Variants in NAV3 observed in about 807,000 individuals in gnomAD.
NAV3 encodes neuron navigator 3.
In NAV3, 87 loss-of-function variants were observed where a neutral mutation model predicts 244.7. That is an observed-to-expected ratio of 0.36 (90% CI 0.30 to 0.42). NAV3 has a LOEUF of 0.42. Ranked by LOEUF, NAV3 falls within the 20% of genes least tolerant of loss-of-function variation. The pLI, the probability that NAV3 is intolerant of heterozygous loss-of-function variation, is 1.00. For missense variants in NAV3, 2,663 were observed against 2,893.3 expected (o/e 0.92, Z 1.83); for synonymous variants, 1,126 against 1,042.2 (o/e 1.08, Z -1.55).
rs373035867 is a variant in NAV3, at chr12:78,076,144, G to A, written c.2636+17029G>A. ...TACCTTATCTCTTGGTTTGCCTGGTGCCACAGTTTACAATATGAAAATGTG... is the reference window on the plus strand; with the variant it reads ...TACCTTATCTCTTGGTTTGCCTGGTACCACAGTTTACAATATGAAAATGTG... On this transcript the variant is annotated intron_variant, in intron 12 of 39. Coordinates refer to ENST00000397909, the MANE Select transcript of NAV3 (RefSeq NM_001024383.2). 6.9e-4 allele frequency among the ~76,000 whole-genome samples: 105 copies of A among 152,286 alleles called. 1 individual carries two copies. The highest frequency in any genetic ancestry group is 2.4e-3 in the African/African-American group (99 of 41,564).
At position 77,755,610 on chromosome 12, in the gene NAV3, C is replaced by CTT. The variant is rs1325929844; in HGVS notation, c.72+183344_72+183345insTT. Among the ~76,000 whole-genome samples the CTT allele has an allele frequency of 1.6e-3, 127 of 78,444 alleles. 12 individuals are homozygous for CTT. The highest frequency in any genetic ancestry group is 3.9e-3 in the South Asian group (8 of 2,070). The allele number at this position is 78,444 out of a possible 152,430, so 51.5% of individuals were successfully genotyped here. A position where few individuals can be genotyped will look rare whatever the true frequency, so the allele number is the denominator to read the frequency against. On this transcript the variant is annotated intron_variant, in intron 2 of 8. Coordinates refer to the NAV3 transcript ENST00000550042. ...CCCTCCCTCCCTCCCTCCCTCCCTC[C>CTT]CTCCTTCCTTCCTTCCTTCCTTCCT...
At chr12:77,790,256 C>T (rs1871124647) in intron 2 of NAV3, among the ~76,000 whole-genome samples, 1 of 152,158 alleles carries the variant, frequency 6.6e-6, no homozygotes. Flanking sequence ...AACTGGTTTT[C>T]TTCACAAAAC....
chr12:77,872,096 G>A (rs1881054462), intron 1 of NAV3, among the ~76,000 whole-genome samples: 1 of 152,068 alleles, frequency 6.6e-6, no homozygotes, highest in South Asian at 2.1e-4. Flanking sequence ...CTTTTGAGAA[G>A]TGTCTGTTCA....
At chr12:77,875,034 G>A (rs1881646108) in intron 1 of NAV3, among the ~76,000 whole-genome samples, 1 of 152,118 alleles carries the variant, frequency 6.6e-6, no homozygotes, top group African/African-American at 2.4e-5. Flanking sequence ...CAAGATTAAA[G>A]TTTTGTGTGG....
chr12:78,162,717 C>A lies in NAV3; in HGVS notation c.4869+3431C>A, dbSNP rs1957595424. ...CATCTCTACTAGAAACAAAAATTAGCCAGGCCTGGTGGTGGGCACCTGTAG... is the reference window on the plus strand; with the variant it reads ...CATCTCTACTAGAAACAAAAATTAGACAGGCCTGGTGGTGGGCACCTGTAG... On this transcript the variant is annotated intron_variant, in intron 23 of 39. Transcript: ENST00000397909. 2.7e-5 allele frequency among the ~76,000 whole-genome samples: 4 copies of A among 150,584 alleles called. No homozygotes were observed. In the Admixed American group the frequency reaches 2.7e-4, roughly 10 times the overall value.
At chr12:77,724,585 C>G (rs1462565666) in intron 2 of NAV3, among the ~76,000 whole-genome samples, 1 of 151,604 alleles carries the variant, frequency 6.6e-6, no homozygotes, top group Non-Finnish European at 1.5e-5. Context: ...GGAAATAAAA[C>G]CAGCCTGTTT....
At chr12:77,617,713 T>G (rs1473867491) in intron 2 of NAV3, among the ~76,000 whole-genome samples, 1 of 152,078 alleles carries the variant, frequency 6.6e-6, no homozygotes, top group Non-Finnish European at 1.5e-5. Context: ...TTGGATCTAT[T>G]GATTGGTGTG....
intron 2 of NAV3, among the ~76,000 whole-genome samples, chr12:77,694,018 A>G (rs900653755): frequency 4.6e-5 from 7 of 152,100 alleles, no homozygotes; most frequent in African/African-American, 7.2e-5. Flanking sequence ...GTTTTGCTAC[A>G]GTAATGCAAT....
At chr12:77,913,210 G>A (rs1886789179) in intron 1 of NAV3, among the ~76,000 whole-genome samples, 1 of 151,992 alleles carries the variant, frequency 6.6e-6, no homozygotes, top group South Asian at 2.1e-4. Flanking sequence ...TTGCTAAGAG[G>A]AAAGTCACTT....
intron 2 of NAV3, among the ~76,000 whole-genome samples, chr12:77,744,836 A>G (rs916231880): frequency 6.6e-6 from 1 of 151,936 alleles, no homozygotes; most frequent in Admixed American, 6.6e-5. Flanking sequence ...CATAAAACTA[A>G]TAACAATAAT....
At chr12:77,855,114 G>T (rs1286943612) in intron 1 of NAV3, among the ~76,000 whole-genome samples, 1 of 152,060 alleles carries the variant, frequency 6.6e-6, no homozygotes, top group Non-Finnish European at 1.5e-5. Context: ...GTGACAGAGC[G>T]AGACTCCATC....
chr12:77,626,658 T>C (rs1042658208), intron 2 of NAV3, among the ~76,000 whole-genome samples: 2 of 151,894 alleles, frequency 1.3e-5, no homozygotes, highest in African/African-American at 4.8e-5. Flanking sequence ...AAGTGCTGCA[T>C]AAAGAAGAAA....
At chr12:78,032,779 G>A (rs912990441) in intron 9 of NAV3, among the ~76,000 whole-genome samples, 1 of 152,152 alleles carries the variant, frequency 6.6e-6, no homozygotes, top group African/African-American at 2.4e-5. Flanking sequence ...TTGACAGAAA[G>A]AATTTGTCCT....
intron 9 of NAV3, among the ~76,000 whole-genome samples, chr12:78,024,699 CG>C (rs1877710846): frequency 6.6e-6 from 1 of 152,082 alleles, no homozygotes; most frequent in Non-Finnish European, 1.5e-5. Context: ...ACTTCCTGGC[CG>C]GGTGCGGTGT....
At chr12:78,090,430 CT>C in intron 12 of NAV3, among the ~76,000 whole-genome samples, 1 of 152,076 alleles carries the variant, frequency 6.6e-6, no homozygotes, top group East Asian at 1.9e-4. Flanking sequence ...ACCTTTTCTA[CT>C]AACATTAACC....
intron 2 of NAV3, among the ~76,000 whole-genome samples, chr12:77,782,823 G>A (rs978264681): frequency 6.6e-6 from 1 of 152,100 alleles, no homozygotes; most frequent in Non-Finnish European, 1.5e-5. Context: ...CTGCTTATTT[G>A]GGATTTCCAC....
rs1231851773 is a variant in NAV3 at position 77,831,151 on chromosome 12, C to CAG, written c.-295_-294dup. On this transcript the variant is annotated 5_prime_UTR_variant, in exon 1 of 40. Coordinates refer to ENST00000397909, the MANE Select transcript of NAV3 (RefSeq NM_001024383.2). ...ATTACTTAGATACTGAGTCACTGAA[C>CAG]AGAGAGAGAGAGAGAGACAGAGAGA... 2.2e-3 allele frequency: 349 copies of CAG among 155,990 alleles called. 3 individuals are homozygous for CAG. Among genetic ancestry groups the CAG allele is most frequent in the African/African-American group, 0.011 (318 of 28,262 alleles). The allele number at this position is 155,990 out of a possible 1,614,324, so 9.7% of individuals were successfully genotyped here. A position where few individuals can be genotyped will look rare whatever the true frequency, so the allele number is the denominator to read the frequency against.
chr12:78,118,022 T>C lies in NAV3; in HGVS notation c.2770-5T>C. 1.9e-6 allele frequency: 3 copies of C among 1,578,506 alleles called. No individual in the cohort carries two copies. Among genetic ancestry groups the C allele is most frequent in the Non-Finnish European group, 2.6e-6 (3 of 1,162,296 alleles). On this transcript the variant is annotated splice_polypyrimidine_tract_variant and splice_region_variant and intron_variant, in intron 13 of 39. Transcript: ENST00000397909. ...AAAGTTTTTCTGTAATATTTGTCTT[T>C]ATAGCTGAGGACAGATTCAGAGAAA...
At chr12:77,729,104 G>A (rs976479255) in intron 2 of NAV3, among the ~76,000 whole-genome samples, 2 of 152,018 alleles carry the variant, frequency 1.3e-5, no homozygotes, top group African/African-American at 4.8e-5. Flanking sequence ...TATCAGTAAG[G>A]CTTCCAGTCA....
Sources: gnomAD v4.1 joint callset for allele counts (sites outside exome capture counted in the v4.1 genomes callset) on GRCh38, gnomAD v4.1.1 for gene constraint, MANE v1.5 for transcripts, NCBI Gene and HGNC (gene_info 2026-07-23, HGNC 2026-07-21) for gene names.